Variants in CACNA1C observed in about 807,000 individuals in gnomAD.
The protein encoded by CACNA1C is voltage-dependent L-type calcium channel subunit alpha-1C.
A neutral mutation model predicts 229.0 loss-of-function variants in CACNA1C; 30 were observed. The ratio of observed to expected loss-of-function variants is 0.13; its 90% CI spans 0.10 to 0.18. The LOEUF is 0.18. Ranked by LOEUF, CACNA1C falls within the 10% of genes least tolerant of loss-of-function variation. The pLI, the probability that CACNA1C is intolerant of heterozygous loss-of-function variation, is 1.00. For synonymous variants in CACNA1C, 1,114 were observed against 1,132.5 expected (o/e 0.98, Z 0.33); for missense variants, 1,658 against 2,845.0 (o/e 0.58, Z 9.49).
At chr12:2,360,792 A>G (rs1447621296) in intron 3 of CACNA1C, among the ~76,000 whole-genome samples, 4 of 148,542 alleles carry the variant, frequency 2.7e-5, no homozygotes, top group African/African-American at 1.0e-4. Context: ...AGTATAAAGT[A>G]GATTCAGTGT....
intron 3 of CACNA1C, among the ~76,000 whole-genome samples, chr12:2,292,843 G>C (rs538592373): frequency 2.6e-5 from 4 of 152,292 alleles, no homozygotes; most frequent in Non-Finnish European, 4.4e-5. Context: ...CCCATGCCCT[G>C]CGGCACCAGG....
At chr12:2,551,210 C>A (rs2099901464) in intron 10 of CACNA1C, among the ~76,000 whole-genome samples, 1 of 152,052 alleles carries the variant, frequency 6.6e-6, no homozygotes, top group Non-Finnish European at 1.5e-5. Context: ...GGCCCTGCAA[C>A]TCTGGCTGTT....
At chr12:2,246,330 G>A (rs1019660091) in intron 3 of CACNA1C, among the ~76,000 whole-genome samples, 1 of 152,148 alleles carries the variant, frequency 6.6e-6, no homozygotes, top group East Asian at 1.9e-4. Flanking sequence ...ATCGGGGGCC[G>A]AGGCTGAATT....
chr12:2,423,445 C>T (rs1042296070), intron 3 of CACNA1C, among the ~76,000 whole-genome samples: 6 of 152,158 alleles, frequency 3.9e-5, no homozygotes, highest in African/African-American at 1.4e-4. Context: ...CTCAGTGTCT[C>T]AGTACCTTCA....
chr12:2,143,913 A>G (rs2094492330), intron 3 of CACNA1C, among the ~76,000 whole-genome samples: 1 of 150,434 alleles, frequency 6.6e-6, no homozygotes, highest in Admixed American at 6.7e-5. Flanking sequence ...CCTCACCCCA[A>G]CACCCAGTGC....
At chr12:2,553,225 G>A (rs142588920) in intron 10 of CACNA1C, among the ~76,000 whole-genome samples, 2 of 152,332 alleles carry the variant, frequency 1.3e-5, no homozygotes, top group African/African-American at 4.8e-5. Flanking sequence ...TCTCTGCAGA[G>A]GCTGGGGTGG....
At chr12:2,426,327 TGA>T (rs1399805083) in intron 3 of CACNA1C, among the ~76,000 whole-genome samples, 3 of 152,144 alleles carry the variant, frequency 2.0e-5, no homozygotes, top group African/African-American at 7.2e-5. Context: ...CAACAGTGTG[TGA>T]GAGATGCCAC....
chr12:2,276,426 C>T (rs541771586), intron 3 of CACNA1C, among the ~76,000 whole-genome samples: 2 of 152,368 alleles, frequency 1.3e-5, no homozygotes, highest in African/African-American at 4.8e-5. Flanking sequence ...TTTCTTCCCA[C>T]ATGACCCAAC....
At position 2,403,239 on chromosome 12, in the gene CACNA1C, A is replaced by G. The variant is rs545177559; in HGVS notation, c.478-45737A>G. On this transcript the variant is annotated intron_variant, in intron 3 of 46. Coordinates refer to ENST00000399655, the MANE Select transcript of CACNA1C (RefSeq NM_000719.7). This position sits in a 1 kb window ranked among gnomAD's most constrained non-coding sequence, Gnocchi z 4.1. The stretch of plus-strand genomic sequence containing the variant: ...CCCTGCCCCAAAATCAAGGTGAAGC[A>G]GATACTACTCCAGGCCAAAGACACA... 1.1e-3 allele frequency among the ~76,000 whole-genome samples: 160 copies of G among 152,314 alleles called. No homozygotes were observed. Among genetic ancestry groups the G allele is most frequent in the Middle Eastern group, 3.4e-3 (1 of 294 alleles).
chr12:2,569,529 T>C (rs1290065689), intron 13 of CACNA1C, among the ~76,000 whole-genome samples: 2 of 152,196 alleles, frequency 1.3e-5, no homozygotes. Flanking sequence ...GGACCATTCA[T>C]GTGAGTGAAA....
Position 2,089,906 on chromosome 12 carries a change from G to A in CACNA1C, c.50-25318G>A, listed in dbSNP as rs1045254849. ...TAGCCGGGCGTGGTGGCAGGCGCCT[G>A]TAGTCCCAGCTACTTGGGAGGCTGA... On this transcript the variant is annotated intron_variant, in intron 1 of 46. Transcript: ENST00000399655. Among the ~76,000 whole-genome samples, 10 of 152,116 alleles carry A rather than the reference G, an allele frequency of 6.6e-5. No individual in the cohort carries two copies. The East Asian group carries it at 1.5e-3, about 23-fold the overall frequency.
At chr12:2,661,631 C>A (rs1038129743) in intron 34 of CACNA1C, among the ~76,000 whole-genome samples, 1 of 152,080 alleles carries the variant, frequency 6.6e-6, no homozygotes, top group Non-Finnish European at 1.5e-5. Flanking sequence ...TAGAAAACCT[C>A]TTCACCCACT....
chr12:2,224,111 C>A (rs1205062773), intron 3 of CACNA1C, among the ~76,000 whole-genome samples: 1 of 152,190 alleles, frequency 6.6e-6, no homozygotes, highest in Admixed American at 6.5e-5. Context: ...TTGGTTCCCA[C>A]CCTGAACCTC....
chr12:2,563,856 T>A (rs2048816416), intron 11 of CACNA1C, among the ~76,000 whole-genome samples: 1 of 152,248 alleles, frequency 6.6e-6, no homozygotes. Context: ...GAGCTGTCCC[T>A]GCCCCCTGGG....
intron 3 of CACNA1C, among the ~76,000 whole-genome samples, chr12:2,255,821 G>T (rs376690723): frequency 6.6e-6 from 1 of 151,326 alleles, no homozygotes; most frequent in Non-Finnish European, 1.5e-5. Flanking sequence ...ACAATCACAC[G>T]ATCCTGACCT....
chr12:2,194,671 G>A (rs1293713217), intron 3 of CACNA1C, among the ~76,000 whole-genome samples: 1 of 151,990 alleles, frequency 6.6e-6, no homozygotes, highest in African/African-American at 2.4e-5. Flanking sequence ...AGAAGTTTTG[G>A]GCCTTATCTG....
chr12:2,242,438 A>G (rs1195450322), intron 3 of CACNA1C, among the ~76,000 whole-genome samples: 2 of 152,220 alleles, frequency 1.3e-5, no homozygotes, highest in African/African-American at 2.4e-5. Context: ...GGTGGCGGCC[A>G]CAGCAGACGG....
At chr12:2,667,319 T>TTTCTCCCTCTTCTCCA (rs1556002444) in intron 37 of CACNA1C, among the ~76,000 whole-genome samples, 1 of 151,996 alleles carries the variant, frequency 6.6e-6, no homozygotes, top group African/African-American at 2.4e-5. Flanking sequence ...CCGTGGCCAT[T>TTTCTCCCTCTTCTCCA]CCGTGCTCCT....
intron 1 of CACNA1C, among the ~76,000 whole-genome samples, chr12:2,091,554 G>T (rs1246589664): frequency 2.0e-5 from 3 of 152,164 alleles, no homozygotes; most frequent in Non-Finnish European, 4.4e-5. Flanking sequence ...AGCATCTTTT[G>T]CTCTCCTCTC....
Sources: allele counts gnomAD v4.1 joint callset (sites outside exome capture counted in the v4.1 genomes callset), GRCh38; gene constraint gnomAD v4.1.1; non-coding constraint Gnocchi (gnomAD v3.1); transcripts MANE v1.5; gene names NCBI Gene and HGNC (gene_info 2026-07-23, HGNC 2026-07-21).